Variants in TBC1D32 observed in about 807,000 individuals in gnomAD.
The protein encoded by TBC1D32 is protein broad-minded.
A neutral mutation model predicts 170.3 loss-of-function variants in TBC1D32; 151 were observed. The ratio of observed to expected loss-of-function variants is 0.89; its 90% CI spans 0.78 to 1.01. The LOEUF is 1.01. TBC1D32 is among the 50% of genes least tolerant of loss of function. The pLI is 0.00. For synonymous variants in TBC1D32, 498 were observed against 488.0 expected (o/e 1.02, Z -0.27); for missense variants, 1,464 against 1,457.1 (o/e 1.00, Z -0.08).
chr6:121,220,865 T>G (rs1227415357), intron 21 of TBC1D32, among the ~76,000 whole-genome samples: 1 of 152,044 alleles, frequency 6.6e-6, no homozygotes, highest in East Asian at 1.9e-4. Context: ...GCTCTCGAAC[T>G]CCAGACCTCA....
At chr6:121,278,740 G>T (rs1221417198) in intron 15 of TBC1D32, among the ~76,000 whole-genome samples, 1 of 152,016 alleles carries the variant, frequency 6.6e-6, no homozygotes, top group East Asian at 1.9e-4. Flanking sequence ...TTATATGTAG[G>T]TTTGTCTGAT....
chr6:121,223,260 A>T lies in TBC1D32; in HGVS notation c.2457T>A (p.Leu819=). The T allele has an allele frequency of 1.3e-6, 2 of 1,575,430 alleles. No homozygotes were observed. The highest frequency in any genetic ancestry group is 1.7e-6 in the Non-Finnish European group (2 of 1,164,486). Reference sequence around the variant, plus strand: ...CAATAACACATGTTGGGACTTCACGAAGAGAATATTCTGTTTTATTAGGAA... The same window carrying T: ...CAATAACACATGTTGGGACTTCACGTAGAGAATATTCTGTTTTATTAGGAA... ...QDLPNKTEYS[L]REVPTCVIDI... is the part of the protein sequence containing the mutation. Residue 819 remains leucine, a synonymous_variant, in exon 21 of 32, where the codon CTT becomes CTA. Coordinates refer to ENST00000398212, the MANE Select transcript of TBC1D32 (RefSeq NM_152730.6).
intron 24 of TBC1D32, among the ~76,000 whole-genome samples, chr6:121,136,814 C>A (rs890682986): frequency 6.6e-6 from 1 of 152,034 alleles, no homozygotes; most frequent in Non-Finnish European, 1.5e-5. Context: ...ATTATATACA[C>A]ATGTGTATGT....
At chr6:121,236,014 A>T (rs1469609550) in intron 20 of TBC1D32, among the ~76,000 whole-genome samples, 1 of 152,110 alleles carries the variant, frequency 6.6e-6, no homozygotes, top group Non-Finnish European at 1.5e-5. Context: ...AATTATTGAT[A>T]TGGATGCATT....
intron 10 of TBC1D32, among the ~76,000 whole-genome samples, chr6:121,295,458 G>A (rs1031969849): frequency 3.9e-5 from 6 of 151,986 alleles, no homozygotes; most frequent in Admixed American, 2.0e-4. Flanking sequence ...AAGGCAGTTA[G>A]CATAATTTTT....
intron 20 of TBC1D32, 59 bp downstream of exon 20, chr6:121,239,011 A>G: frequency 3.3e-6 from 3 of 922,138 alleles, no homozygotes; most frequent in Non-Finnish European, 5.1e-6. Flanking sequence ...AGTATGAACG[A>G]ATTCATTTCT....
rs201567272 is a variant in TBC1D32 at position 121,290,022 on chromosome 6, A to G, written c.1372+2031T>C. 3.1e-3 allele frequency among the ~76,000 whole-genome samples: 478 copies of G among 152,194 alleles called. 23 individuals carry two copies. In the East Asian group the frequency reaches 0.079, roughly 25 times the overall value. On this transcript the variant is annotated intron_variant, in intron 12 of 31. Coordinates refer to ENST00000398212, the MANE Select transcript of TBC1D32 (RefSeq NM_152730.6). ...TTCAAGGTGGATTAAAGACTTAAATATTAGACCTAAAACCATAAAAACCCT... is the reference window on the plus strand; with the variant it reads ...TTCAAGGTGGATTAAAGACTTAAATGTTAGACCTAAAACCATAAAAACCCT...
intron 22 of TBC1D32, among the ~76,000 whole-genome samples, chr6:121,176,830 C>T (rs1039130571): frequency 6.6e-6 from 1 of 152,102 alleles, no homozygotes; most frequent in Non-Finnish European, 1.5e-5. Flanking sequence ...AACTCCTGAC[C>T]TCGTGATCTG....
intron 24 of TBC1D32, among the ~76,000 whole-genome samples, chr6:121,150,259 T>A (rs1784045255): frequency 1.3e-5 from 2 of 152,370 alleles, no homozygotes; most frequent in South Asian, 4.1e-4. Context: ...CTGCATCTAT[T>A]GAGATCATCA....
chr6:121,147,245 A>C (rs1299812465), intron 24 of TBC1D32, among the ~76,000 whole-genome samples: 1 of 152,108 alleles, frequency 6.6e-6, no homozygotes, highest in East Asian at 1.9e-4. Context: ...TGTTGATTCC[A>C]TGTCTTTGCT....
At chr6:121,245,305 C>T (rs985265847) in intron 17 of TBC1D32, among the ~76,000 whole-genome samples, 9 of 152,190 alleles carry the variant, frequency 5.9e-5, no homozygotes, top group Non-Finnish European at 8.8e-5. Flanking sequence ...ATTCACAGCA[C>T]CAGCCTGGAG....
At chr6:121,201,973 T>A (rs768540692) in intron 22 of TBC1D32, among the ~76,000 whole-genome samples, 5 of 151,000 alleles carry the variant, frequency 3.3e-5, no homozygotes, top group African/African-American at 1.2e-4. Context: ...AAATGAAAGA[T>A]GTATTTTGTT....
At chr6:121,103,187 C>G (rs111487727) in intron 30 of TBC1D32, among the ~76,000 whole-genome samples, 6 of 151,846 alleles carry the variant, frequency 4.0e-5, no homozygotes, top group Middle Eastern at 3.4e-3. Context: ...AATTCCTCAA[C>G]GATCTAGAAC....
intron 21 of TBC1D32, among the ~76,000 whole-genome samples, chr6:121,222,589 T>A (rs78599359): frequency 2.0e-4 from 23 of 112,290 alleles, no homozygotes; most frequent in Middle Eastern, 5.0e-3. Flanking sequence ...GAAAAAAAAA[T>A]ATCACATAGG....
intron 17 of TBC1D32, among the ~76,000 whole-genome samples, 199 bp downstream of exon 17, chr6:121,255,129 T>C (rs1798792153): frequency 6.6e-6 from 1 of 152,016 alleles, no homozygotes; most frequent in South Asian, 2.1e-4. Context: ...ACAAGTATAA[T>C]AAATATTGTT....
chr6:121,226,850 A>G (rs1795133240), intron 20 of TBC1D32, among the ~76,000 whole-genome samples: 1 of 152,112 alleles, frequency 6.6e-6, no homozygotes, highest in African/African-American at 2.4e-5. Context: ...TATAGTATCA[A>G]TATTTATACA....
intron 22 of TBC1D32, among the ~76,000 whole-genome samples, chr6:121,204,126 T>A (rs1334513432): frequency 1.3e-5 from 2 of 151,100 alleles, no homozygotes; most frequent in East Asian, 3.9e-4. Flanking sequence ...GTTTCCCCCA[T>A]CAAAACTTGC....
chr6:121,122,733 A>G (rs1328981346), intron 26 of TBC1D32, among the ~76,000 whole-genome samples: 1 of 152,128 alleles, frequency 6.6e-6, no homozygotes, highest in Non-Finnish European at 1.5e-5. Flanking sequence ...CCCACTAGAA[A>G]GTAAACTCCA....
intron 17 of TBC1D32, among the ~76,000 whole-genome samples, chr6:121,252,650 T>C (rs1390593244): frequency 6.6e-6 from 1 of 152,150 alleles, no homozygotes; most frequent in Non-Finnish European, 1.5e-5. Context: ...GACGGGTTGA[T>C]GGGTGCAGCA....
Sources: gnomAD v4.1 joint callset for allele counts (sites outside exome capture counted in the v4.1 genomes callset) on GRCh38, gnomAD v4.1.1 for gene constraint, MANE v1.5 for transcripts, NCBI Gene and HGNC (gene_info 2026-07-23, HGNC 2026-07-21) for gene names.